KPNB1: variants seen among roughly 807,000 people sequenced by gnomAD.
The protein encoded by KPNB1 is karyopherin subunit beta 1, also known as importin subunit beta-1.
A neutral mutation model predicts 113.0 loss-of-function variants in KPNB1; 7 were observed. The ratio of observed to expected loss-of-function variants is 0.06; its 90% CI spans 0.04 to 0.12. The LOEUF is 0.12. Among genes scored for constraint, KPNB1 ranks in the 10% least tolerant of loss-of-function variants. The pLI, the probability that KPNB1 is intolerant of heterozygous loss-of-function variation, is 1.00. For missense variants in KPNB1, 400 were observed against 1,054.8 expected (o/e 0.38, Z 8.60); for synonymous variants, 363 against 378.6 (o/e 0.96, Z 0.48).
Position 47,661,304 on chromosome 17 carries a change from ATAAT to A in KPNB1, c.696+131_696+134del, listed in dbSNP as rs1182802782. ...TAAGGTTTGATTAATATTGTTACTAATAATTAATATTCTGGCTGGGCATGGTGGC... is the reference window on the plus strand; with the variant it reads ...TAAGGTTTGATTAATATTGTTACTAATAATATTCTGGCTGGGCATGGTGGC... On this transcript the variant is annotated intron_variant, in intron 6 of 21. Coordinates refer to ENST00000290158, the MANE Select transcript of KPNB1 (RefSeq NM_002265.6). 14 of 757,470 alleles carry A rather than the reference ATAAT, an allele frequency of 1.8e-5. No homozygotes were observed. The East Asian group carries it at 3.3e-4, about 18-fold the overall frequency. 46.9% of individuals were successfully genotyped at this position (757,470 alleles called of 1,614,324 possible). A position where few individuals can be genotyped will look rare whatever the true frequency, so the allele number is the denominator to read the frequency against.
At chr17:47,680,715 A>AG (rs1405866034) in intron 21 of KPNB1, 46 bp downstream of exon 21, 3 of 1,574,678 alleles carry the variant, frequency 1.9e-6, no homozygotes, top group Non-Finnish European at 1.7e-6. Flanking sequence ...TTCCTGGAGG[A>AG]GGGGGGTATG....
chr17:47,663,927 G>GT (rs1236829394), intron 7 of KPNB1, among the ~76,000 whole-genome samples: 1 of 151,382 alleles, frequency 6.6e-6, no homozygotes, highest in Non-Finnish European at 1.5e-5. Flanking sequence ...GGAGGTTGCA[G>GT]TAAGCTGAGA....
chr17:47,673,527 A>G lies in KPNB1; in HGVS notation c.1733A>G (p.Asn578Ser). The G allele has an allele frequency of 6.2e-7, 1 of 1,613,780 alleles. No homozygotes were observed. Among genetic ancestry groups the G allele is most frequent in the Non-Finnish European group, 8.5e-7 (1 of 1,179,670 alleles). The change falls in exon 14 of 22, where the codon AAT (asparagine) becomes AGT (serine). Residue 578 changes from asparagine (N) to serine (S), a missense_variant. This residue lies in a region of KPNB1 where 115 missense variants were observed against 427.9 expected (regional missense o/e 0.27). Coordinates refer to ENST00000290158, the MANE Select transcript of KPNB1 (RefSeq NM_002265.6). ...IQSTSDRIQF[N>S]DLQSLLCATL... ...AGCACATCCGATAGAATCCAGTTCA[A>G]TGACCTTCAGTCTTTACTCTGTGCA...
chr17:47,654,602 C>T (rs935723150), intron 3 of KPNB1, among the ~76,000 whole-genome samples: 1 of 151,978 alleles, frequency 6.6e-6, no homozygotes, highest in Non-Finnish European at 1.5e-5. Context: ...GAGCTAGTTT[C>T]TCTTTTCTGA....
chr17:47,662,605 G>GGC (rs1955731616), intron 6 of KPNB1, among the ~76,000 whole-genome samples: 1 of 151,874 alleles, frequency 6.6e-6, no homozygotes, highest in Admixed American at 6.6e-5. Context: ...AAAATGGCCG[G>GGC]GCGCAGTGGC....
intron 9 of KPNB1, among the ~76,000 whole-genome samples, chr17:47,666,550 ATATTATGT>A (rs1425584874): frequency 8.4e-6 from 1 of 118,980 alleles, no homozygotes; most frequent in Non-Finnish European, 1.9e-5. Context: ...TATATATTAT[ATATTATGT>A]TATATGTTAT....
At position 47,650,045 on chromosome 17, in the gene KPNB1, G is replaced by C. The variant is rs1597918739; in HGVS notation, c.-200G>C. 81 of 1,364,660 alleles carry C rather than the reference G, an allele frequency of 5.9e-5. 1 individual carries two copies. In the East Asian group the frequency reaches 2.4e-3, roughly 40 times the overall value. The allele number at this position is 1,364,660 out of a possible 1,614,324, so 84.5% of individuals were successfully genotyped here. On this transcript the variant is annotated 5_prime_UTR_variant, in exon 1 of 22. Transcript: ENST00000290158. ...CCGCCGCCAGCAGCCCATTTGGAGG[G>C]AGGAAGTAAGGGAAGAGGAGAGGAA...
At position 47,684,497 on chromosome 17, in the gene KPNB1, C is replaced by G. The variant is rs1054409348; in HGVS notation, c.*2093C>G. On this transcript the variant is annotated 3_prime_UTR_variant, in exon 22 of 22. Coordinates refer to ENST00000290158, the MANE Select transcript of KPNB1 (RefSeq NM_002265.6). The stretch of plus-strand genomic sequence containing the variant: ...GTTCTTTGAGAGACAGAATGATGTA[C>G]TAACCATTCGTGATTATTAAGATAG... The G allele has an allele frequency of 2.6e-5, 4 of 152,108 alleles. No homozygotes were observed. The highest frequency in any genetic ancestry group is 9.7e-5 in the African/African-American group (4 of 41,376). The allele number at this position is 152,108 out of a possible 1,614,324, so 9.4% of individuals were successfully genotyped here.
In KPNB1 at chr17:47,668,417, CTG is replaced by C. The variant is rs551076313; in HGVS notation, c.1224+8_1224+9del. 1.7e-5 allele frequency: 27 copies of C among 1,606,558 alleles called. No homozygotes were observed. Among genetic ancestry groups the C allele is most frequent in the South Asian group, 3.3e-5 (3 of 90,830 alleles). ...CAAACCACTAGTTATACAGGTGAAACTGAGGGATTTTTGGAGTAGAAAGTAGG... is the reference window on the plus strand; with the variant it reads ...CAAACCACTAGTTATACAGGTGAAACAGGGATTTTTGGAGTAGAAAGTAGG... On this transcript the variant is annotated splice_region_variant and intron_variant, in intron 10 of 21. Transcript: ENST00000290158.
chr17:47,675,573 A>G (rs2030594107), intron 15 of KPNB1, among the ~76,000 whole-genome samples: 2 of 151,754 alleles, frequency 1.3e-5, no homozygotes, highest in Admixed American at 6.6e-5. Flanking sequence ...GGTACTTGTC[A>G]TCACCTGGTT....
At chr17:47,679,701 TTTC>T (rs2030714186) in intron 19 of KPNB1, among the ~76,000 whole-genome samples, 1 of 152,048 alleles carries the variant, frequency 6.6e-6, no homozygotes, top group Non-Finnish European at 1.5e-5. Context: ...CTCTTTTTTT[TTTC>T]TTTTTTTTTT....
intron 3 of KPNB1, among the ~76,000 whole-genome samples, chr17:47,653,430 CG>C (rs1567886870): frequency 6.6e-6 from 1 of 151,944 alleles, no homozygotes; most frequent in African/African-American, 2.4e-5. Flanking sequence ...GAAGTAGAGA[CG>C]GGGTTTCACC....
chr17:47,682,265 A>G, intron 21 of KPNB1, 139 bp from the exon 22 acceptor site: 1 of 718,928 alleles, frequency 1.4e-6, no homozygotes, highest in Non-Finnish European at 2.6e-6. Context: ...ACATAGGACA[A>G]GAAGAAAGAG....
chr17:47,653,019 T>C, intron 3 of KPNB1, 143 bp downstream of exon 3: 1 of 529,042 alleles, frequency 1.9e-6, no homozygotes, highest in South Asian at 3.8e-5. Flanking sequence ...AAAATTGTCT[T>C]TGTCTTAAAT....
chr17:47,665,988 A>G (rs938324650), intron 9 of KPNB1, among the ~76,000 whole-genome samples: 5 of 152,152 alleles, frequency 3.3e-5, no homozygotes, highest in Non-Finnish European at 5.9e-5. Context: ...ATGTGTTTGG[A>G]TTAAAATGAA....
Position 47,652,602 on chromosome 17 carries a change from C to T in KPNB1, c.100-92C>T, listed in dbSNP as rs185157058. The T allele has an allele frequency of 3.4e-5, 34 of 999,666 alleles. No individual in the cohort carries two copies. The Admixed American group carries it at 6.1e-4, about 18-fold the overall frequency. The allele number at this position is 999,666 out of a possible 1,614,324, so 61.9% of individuals were successfully genotyped here. A position where few individuals can be genotyped will look rare whatever the true frequency, so the allele number is the denominator to read the frequency against. Reference sequence around the variant, plus strand: ...ATTAGACATTAGTTCCCCCCCTCGCCGCCCCTCTGGTGGTTCAGTGCTCTA... The same window carrying T: ...ATTAGACATTAGTTCCCCCCCTCGCTGCCCCTCTGGTGGTTCAGTGCTCTA... On this transcript the variant is annotated intron_variant, in intron 2 of 21. Coordinates refer to ENST00000290158, the MANE Select transcript of KPNB1 (RefSeq NM_002265.6).
intron 4 of KPNB1, among the ~76,000 whole-genome samples, chr17:47,657,339 T>C (rs931306500): frequency 5.9e-5 from 9 of 152,358 alleles, no homozygotes; most frequent in Non-Finnish European, 1.0e-4. Flanking sequence ...TCATTTGGAT[T>C]ATCCCTGACC....
chr17:47,678,814 G>A (rs1305320133), intron 19 of KPNB1, among the ~76,000 whole-genome samples: 1 of 152,148 alleles, frequency 6.6e-6, no homozygotes, highest in East Asian at 1.9e-4. Context: ...CACCTTGTTG[G>A]TCAGGCTGGT....
chr17:47,663,764 C>A (rs920363199), intron 7 of KPNB1, among the ~76,000 whole-genome samples: 2 of 152,096 alleles, frequency 1.3e-5, no homozygotes, highest in Admixed American at 1.3e-4. Flanking sequence ...ACTGACAGAT[C>A]GCTTGAGTCC....
Sources: gnomAD v4.1 joint callset for allele counts (sites outside exome capture counted in the v4.1 genomes callset) on GRCh38, gnomAD v4.1.1 for gene constraint, gnomAD v4.1.1 regional missense constraint, MANE v1.5 for transcripts, NCBI Gene and HGNC (gene_info 2026-07-23, HGNC 2026-07-21) for gene names.